Variants in AFG1L observed in about 807,000 individuals in gnomAD.
The protein encoded by AFG1L is AFG1 like ATPase.
A neutral mutation model predicts 62.2 loss-of-function variants in AFG1L; 53 were observed. That is an observed-to-expected ratio of 0.85 (90% CI 0.68 to 1.07). The LOEUF is 1.07. Ranked by LOEUF, AFG1L falls within the 50% of genes least tolerant of loss-of-function variation. The pLI is 0.00. For missense variants in AFG1L, 555 were observed against 590.5 expected, an observed-to-expected ratio of 0.94 and a Z score of 0.62; for synonymous variants, 228 against 210.3, an observed-to-expected ratio of 1.08 and a Z score of -0.73.
At chr6:108,423,940 ACT>A (rs1236943617) in intron 7 of AFG1L, among the ~76,000 whole-genome samples, 4 of 152,062 alleles carry the variant, frequency 2.6e-5, no homozygotes, top group African/African-American at 9.7e-5. Context: ...AACTGAATAA[ACT>A]CTGACATACT....
At chr6:108,471,229 T>G (rs902163239) in intron 8 of AFG1L, among the ~76,000 whole-genome samples, 1 of 152,156 alleles carries the variant, frequency 6.6e-6, no homozygotes, top group Non-Finnish European at 1.5e-5. Flanking sequence ...AAATAATTAA[T>G]GAGAACATAA....
At chr6:108,297,457 A>G (rs1776807712) in intron 1 of AFG1L, among the ~76,000 whole-genome samples, 1 of 152,128 alleles carries the variant, frequency 6.6e-6, no homozygotes, top group Non-Finnish European at 1.5e-5. Flanking sequence ...TTCAGTATTC[A>G]GAGTCTGATT....
At chr6:108,386,355 G>C (rs926156873) in intron 6 of AFG1L, among the ~76,000 whole-genome samples, 4 of 152,068 alleles carry the variant, frequency 2.6e-5, no homozygotes, top group East Asian at 1.9e-4. Flanking sequence ...CAGCTATTTG[G>C]GGGGCTGGGG....
intron 10 of AFG1L, among the ~76,000 whole-genome samples, chr6:108,499,081 T>C (rs909785478): frequency 3.3e-5 from 5 of 151,862 alleles, no homozygotes; most frequent in African/African-American, 1.2e-4. Context: ...TTTTTTTTTT[T>C]TTTTTGAGAC....
intron 7 of AFG1L, among the ~76,000 whole-genome samples, chr6:108,409,460 C>CG (rs895825101): frequency 6.6e-6 from 1 of 151,756 alleles, no homozygotes; most frequent in Non-Finnish European, 1.5e-5. Flanking sequence ...GGAGCAGGAG[C>CG]GGGGGGAGAG....
intron 7 of AFG1L, among the ~76,000 whole-genome samples, chr6:108,416,345 C>T (rs1421097420): frequency 3.9e-5 from 6 of 152,178 alleles, no homozygotes; most frequent in African/African-American, 1.4e-4. Flanking sequence ...ACTAGTTCAA[C>T]CATTGTGGAA....
intron 1 of AFG1L, among the ~76,000 whole-genome samples, chr6:108,317,733 C>T (rs1388946761): frequency 6.6e-6 from 1 of 152,072 alleles, no homozygotes; most frequent in Non-Finnish European, 1.5e-5. Flanking sequence ...AGGGAGGGAG[C>T]AATAATATTG....
intron 6 of AFG1L, among the ~76,000 whole-genome samples, chr6:108,393,642 G>A (rs563119130): frequency 6.6e-6 from 1 of 152,206 alleles, no homozygotes; most frequent in South Asian, 2.1e-4. Flanking sequence ...ACTAAAAGGT[G>A]CATACTTGTT....
At chr6:108,463,286 CA>C (rs56937746) in intron 8 of AFG1L, among the ~76,000 whole-genome samples, 7,515 of 40,512 alleles carry the variant, frequency 0.19, 155 homozygotes, top group African/African-American at 0.27. Context: ...GAGACTCTGT[CA>C]AAAAAAAAAA....
chr6:108,496,778 A>T (rs558118545), intron 10 of AFG1L, among the ~76,000 whole-genome samples: 1 of 152,346 alleles, frequency 6.6e-6, no homozygotes, highest in African/African-American at 2.4e-5. Context: ...TTTCACTCCA[A>T]CCATTTAGAA....
At chr6:108,510,494 A>T (rs1194800048) in intron 11 of AFG1L, 142 bp downstream of exon 11, 1 of 647,034 alleles carries the variant, frequency 1.5e-6, no homozygotes, top group African/African-American at 1.9e-5. Flanking sequence ...TGAATTGGGG[A>T]TGATAATATT....
intron 7 of AFG1L, among the ~76,000 whole-genome samples, chr6:108,405,472 G>C (rs1479042857): frequency 6.6e-6 from 1 of 152,124 alleles, no homozygotes; most frequent in Non-Finnish European, 1.5e-5. Flanking sequence ...CCAGCCTCCT[G>C]AGTAGCTGGG....
At chr6:108,489,858 T>C (rs1227262617) in intron 10 of AFG1L, among the ~76,000 whole-genome samples, 1 of 152,160 alleles carries the variant, frequency 6.6e-6, no homozygotes, top group Non-Finnish European at 1.5e-5. Flanking sequence ...TATAAAGGTG[T>C]GTTAGTTTGG....
intron 1 of AFG1L, among the ~76,000 whole-genome samples, chr6:108,314,002 G>A (rs1777503221): frequency 6.6e-6 from 1 of 152,152 alleles, no homozygotes; most frequent in Non-Finnish European, 1.5e-5. Flanking sequence ...ATCACCTGAG[G>A]TCAGGAGTTT....
At chr6:108,442,143 A>C (rs1771579661) in intron 7 of AFG1L, among the ~76,000 whole-genome samples, 1 of 151,800 alleles carries the variant, frequency 6.6e-6, no homozygotes, top group Admixed American at 6.6e-5. Flanking sequence ...TTTCTCAGGG[A>C]GATTGAGTAA....
At chr6:108,400,477 G>A (rs1781518724) in intron 6 of AFG1L, among the ~76,000 whole-genome samples, 1 of 147,944 alleles carries the variant, frequency 6.8e-6, no homozygotes, top group South Asian at 2.1e-4. Flanking sequence ...AAAGAATGGA[G>A]TTTTAATTTT....
intron 7 of AFG1L, among the ~76,000 whole-genome samples, chr6:108,424,284 G>C (rs1770721775): frequency 6.6e-6 from 1 of 151,998 alleles, no homozygotes; most frequent in African/African-American, 2.4e-5. Context: ...TTTTCAAAAA[G>C]ATTAAGTTTC....
At chr6:108,373,625 T>TGGAG (rs1485730534) in intron 6 of AFG1L, among the ~76,000 whole-genome samples, 4 of 151,474 alleles carry the variant, frequency 2.6e-5, no homozygotes, top group Non-Finnish European at 5.9e-5. Context: ...TCTAGCTTTG[T>TGGAG]TACTCAGGCT....
chr6:108,466,979 A>G (rs906680046), intron 8 of AFG1L, among the ~76,000 whole-genome samples: 1 of 151,870 alleles, frequency 6.6e-6, no homozygotes, highest in African/African-American at 2.4e-5. Context: ...TCTCACAAAC[A>G]TAATATTGAG....
Sources: gnomAD v4.1 joint callset for allele counts (sites outside exome capture counted in the v4.1 genomes callset) on GRCh38, gnomAD v4.1.1 for gene constraint, MANE v1.5 for transcripts, NCBI Gene and HGNC (gene_info 2026-07-23, HGNC 2026-07-21) for gene names.